CTNNA3: variants seen among roughly 807,000 people sequenced by gnomAD.
The protein encoded by CTNNA3 is catenin alpha-3.
CTNNA3 carries 76 observed loss-of-function variants against 95.7 expected under a neutral mutation model. That is an observed-to-expected ratio of 0.79 (90% confidence interval 0.66 to 0.96). The LOEUF is 0.96. CTNNA3 is among the 40% of genes least tolerant of loss of function. The pLI is 0.00. For synonymous variants in CTNNA3, 431 were observed against 374.4 expected (o/e 1.15, Z -1.74); for missense variants, 1,191 against 1,089.8 (o/e 1.09, Z -1.31).
chr10:66,909,737 T>C (rs1333125393), intron 7 of CTNNA3, among the ~76,000 whole-genome samples: 11 of 152,196 alleles, frequency 7.2e-5, no homozygotes, highest in Non-Finnish European at 1.5e-4. Context: ...TCATGCTTAG[T>C]ACATACTTTC....
intron 9 of CTNNA3, among the ~76,000 whole-genome samples, chr10:66,731,934 G>T (rs191139170): frequency 4.0e-4 from 61 of 152,204 alleles, no homozygotes; most frequent in Non-Finnish European, 7.4e-4. Flanking sequence ...ACAGTTTTTG[G>T]TAAAAAAGAG....
At chr10:66,552,944 A>G (rs1410863788) in intron 10 of CTNNA3, among the ~76,000 whole-genome samples, 1 of 152,038 alleles carries the variant, frequency 6.6e-6, no homozygotes, top group African/African-American at 2.4e-5. Flanking sequence ...GTTGATAAGT[A>G]TTTTAAAAAT....
chr10:67,292,579 A>G (rs760908432), intron 5 of CTNNA3, among the ~76,000 whole-genome samples: 12 of 152,088 alleles, frequency 7.9e-5, no homozygotes, highest in Non-Finnish European at 1.6e-4. Context: ...CCATTTTTAT[A>G]TCTATAAACT....
intron 11 of CTNNA3, among the ~76,000 whole-genome samples, chr10:66,464,446 C>A (rs543075607): frequency 2.0e-5 from 3 of 152,086 alleles, no homozygotes; most frequent in South Asian, 2.1e-4. Context: ...CAGGCAGTTA[C>A]AAAATCAAAA....
chr10:67,116,316 G>C (rs989354112), intron 7 of CTNNA3, among the ~76,000 whole-genome samples: 3 of 151,974 alleles, frequency 2.0e-5, no homozygotes, highest in Non-Finnish European at 4.4e-5. Flanking sequence ...GATTTGAGTG[G>C]TGACCTTCCA....
chr10:66,319,274 G>T lies in CTNNA3; in HGVS notation c.1733-38653C>A, dbSNP rs150810434. 4.6e-3 allele frequency among the ~76,000 whole-genome samples: 707 copies of T among 152,120 alleles called. 7 individuals carry two copies. Among genetic ancestry groups the T allele is most frequent in the Non-Finnish European group, 7.5e-3 (510 of 67,938 alleles). On this transcript the variant is annotated intron_variant, in intron 12 of 17. Coordinates refer to ENST00000433211, the MANE Select transcript of CTNNA3 (RefSeq NM_013266.4). ...CTTCACCTTGAGAAAAACACTCTTGGAGTAACATGTCCCATAGAGCTACTT... is the reference window on the plus strand; with the variant it reads ...CTTCACCTTGAGAAAAACACTCTTGTAGTAACATGTCCCATAGAGCTACTT...
intron 10 of CTNNA3, among the ~76,000 whole-genome samples, chr10:66,529,263 A>G (rs1457596144): frequency 1.3e-5 from 2 of 151,874 alleles, no homozygotes; most frequent in Non-Finnish European, 2.9e-5. Context: ...TGAGTAGCTG[A>G]GATTACAGAT....
intron 9 of CTNNA3, among the ~76,000 whole-genome samples, chr10:66,726,800 A>G (rs1430154469): frequency 1.3e-5 from 2 of 151,804 alleles, no homozygotes; most frequent in Admixed American, 1.3e-4. Context: ...TGTTGGGAAG[A>G]CAGATTTGTT....
intron 7 of CTNNA3, among the ~76,000 whole-genome samples, chr10:66,918,310 A>C (rs143386724): frequency 6.6e-6 from 1 of 152,340 alleles, no homozygotes; most frequent in Non-Finnish European, 1.5e-5. Flanking sequence ...AAAGTTCTCA[A>C]ACTTGCCATT....
chr10:66,304,680 C>T (rs2091907921), intron 12 of CTNNA3, among the ~76,000 whole-genome samples: 1 of 152,046 alleles, frequency 6.6e-6, no homozygotes. Flanking sequence ...ATATAATACT[C>T]AAGAGTATCC....
intron 5 of CTNNA3, among the ~76,000 whole-genome samples, chr10:67,485,255 G>A (rs1379774787): frequency 6.6e-6 from 1 of 152,186 alleles, no homozygotes; most frequent in Non-Finnish European, 1.5e-5. Flanking sequence ...TTTATAAGTG[G>A]GAGCTAAACA....
chr10:66,708,134 T>C (rs1848176652), intron 9 of CTNNA3, among the ~76,000 whole-genome samples: 1 of 151,540 alleles, frequency 6.6e-6, no homozygotes, highest in South Asian at 2.1e-4. Flanking sequence ...ATAAAACACA[T>C]CAACTCTGGC....
At chr10:66,842,094 A>G (rs577843883) in intron 7 of CTNNA3, among the ~76,000 whole-genome samples, 1 of 151,944 alleles carries the variant, frequency 6.6e-6, no homozygotes, top group Admixed American at 6.5e-5. Context: ...AAACCTGGCT[A>G]AATTCGTTTT....
intron 9 of CTNNA3, among the ~76,000 whole-genome samples, chr10:66,709,436 G>A (rs1333890119): frequency 2.6e-5 from 4 of 152,032 alleles, no homozygotes; most frequent in Non-Finnish European, 5.9e-5. Context: ...AAGCATAAAG[G>A]TCGTCATCCC....
At chr10:67,033,643 G>A (rs1466189966) in intron 7 of CTNNA3, among the ~76,000 whole-genome samples, 1 of 152,178 alleles carries the variant, frequency 6.6e-6, no homozygotes. Context: ...TATGAAGTTA[G>A]TACTATTATT....
chr10:67,617,436 A>AT (rs534879987), intron 2 of CTNNA3, among the ~76,000 whole-genome samples: 15 of 143,008 alleles, frequency 1.0e-4, no homozygotes, highest in African/African-American at 2.6e-4. Context: ...ACATGATCTC[A>AT]TTTTTTTTTA....
At chr10:67,114,642 T>A (rs1012745661) in intron 7 of CTNNA3, among the ~76,000 whole-genome samples, 1 of 152,008 alleles carries the variant, frequency 6.6e-6, no homozygotes, top group African/African-American at 2.4e-5. Context: ...CTTAATTTCT[T>A]TTCTAATCCT....
intron 7 of CTNNA3, among the ~76,000 whole-genome samples, chr10:66,870,014 A>T (rs1301910448): frequency 1.3e-5 from 2 of 152,224 alleles, no homozygotes; most frequent in Admixed American, 1.3e-4. Context: ...TACTACTGTC[A>T]GGTTAACATT....
intron 9 of CTNNA3, among the ~76,000 whole-genome samples, chr10:66,724,824 C>A (rs1365705374): frequency 6.6e-6 from 1 of 152,064 alleles, no homozygotes; most frequent in African/African-American, 2.4e-5. Context: ...AAAGTTAAAC[C>A]TGTAATCAAC....
Sources: allele counts gnomAD v4.1 joint callset (sites outside exome capture counted in the v4.1 genomes callset), GRCh38; gene constraint gnomAD v4.1.1; transcripts MANE v1.5; gene names NCBI Gene and HGNC (gene_info 2026-07-23, HGNC 2026-07-21).